The following FSTL4 variants were observed in gnomAD, a reference collection of about 807,000 sequenced individuals.
FSTL4 encodes the protein follistatin-related protein 4.
In FSTL4, 28 loss-of-function variants were observed where a neutral mutation model predicts 78.2. The observed-to-expected ratio is 0.36, with a 90% CI of 0.27 to 0.49. FSTL4 has a LOEUF of 0.49. Ranked by LOEUF, FSTL4 falls within the 20% of genes least tolerant of loss-of-function variation. The probability of loss-of-function intolerance (pLI) is 0.98; values close to 1 mark genes in which losing one functional copy is unlikely to be tolerated. For synonymous variants in FSTL4, 422 were observed against 440.5 expected (o/e 0.96, Z 0.53); for missense variants, 922 against 1,084.9 (o/e 0.85, Z 2.11).
intron 3 of FSTL4, among the ~76,000 whole-genome samples, chr5:133,472,915 C>T (rs1757852824): frequency 6.6e-6 from 1 of 152,240 alleles, no homozygotes; most frequent in South Asian, 2.1e-4. Flanking sequence ...CCTGTACTCC[C>T]AGTCCCACTG....
At chr5:133,548,106 A>G (rs753344585) in intron 3 of FSTL4, among the ~76,000 whole-genome samples, 5 of 152,132 alleles carry the variant, frequency 3.3e-5, no homozygotes, top group Non-Finnish European at 7.4e-5. Context: ...TGCTCTATGT[A>G]TTTCTTCATT....
At chr5:133,386,900 T>TC (rs1429317615) in intron 4 of FSTL4, among the ~76,000 whole-genome samples, 1 of 152,172 alleles carries the variant, frequency 6.6e-6, no homozygotes, top group African/African-American at 2.4e-5. Flanking sequence ...CCACTGAAGT[T>TC]CAAAGACAAG....
chr5:133,717,806 T>C, the FSTL4 span, among the ~76,000 whole-genome samples: 2 of 152,268 alleles, frequency 1.3e-5, no homozygotes, highest in Admixed American at 6.5e-5. Context: ...TACACCATAC[T>C]GTCTATTCAT....
intron 4 of FSTL4, among the ~76,000 whole-genome samples, chr5:133,321,300 T>C (rs1384219532): frequency 3.3e-5 from 5 of 152,182 alleles, no homozygotes; most frequent in African/African-American, 1.2e-4. Context: ...AAACATCACC[T>C]GATGTAAGCT....
chr5:133,199,836 G>A lies in FSTL4; in HGVS notation c.1827-39C>T. ...AACTGAGGTCAGAAGTTGCCTCCAG[G>A]GGTGGGGAATCTGTCATTTGTCTTA... On this transcript the variant is annotated intron_variant, in intron 15 of 15. Transcript: ENST00000265342. This position sits in a 1 kb window ranked among gnomAD's most constrained non-coding sequence, Gnocchi z 4.4. 1.8e-6 allele frequency: 2 copies of A among 1,111,100 alleles called. No individual in the cohort carries two copies. Among genetic ancestry groups the A allele is most frequent in the Non-Finnish European group, 2.6e-6 (2 of 766,870 alleles). The allele number at this position is 1,111,100 out of a possible 1,614,324, so 68.8% of individuals were successfully genotyped here. A position where few individuals can be genotyped will look rare whatever the true frequency, so the allele number is the denominator to read the frequency against.
chr5:133,628,112 CA>C, the FSTL4 span, among the ~76,000 whole-genome samples: 1 of 152,082 alleles, frequency 6.6e-6, no homozygotes, highest in Admixed American at 6.5e-5. Flanking sequence ...ACAACTAAAG[CA>C]GTGTTTAGAG....
chr5:133,751,943 G>A, the FSTL4 span, among the ~76,000 whole-genome samples: 1 of 152,160 alleles, frequency 6.6e-6, no homozygotes, highest in African/African-American at 2.4e-5. Context: ...CTCACTGGCA[G>A]GTCAGCAACA....
chr5:133,300,413 T>C (rs1753508071), intron 6 of FSTL4, among the ~76,000 whole-genome samples: 1 of 152,204 alleles, frequency 6.6e-6, no homozygotes, highest in Non-Finnish European at 1.5e-5. Context: ...ACCCTGTTTG[T>C]TCTGTCTGAG....
chr5:133,264,088 G>C lies in FSTL4; in HGVS notation c.728-14512C>G, dbSNP rs533308387. On this transcript the variant is annotated intron_variant, in intron 6 of 15. Coordinates refer to ENST00000265342, the MANE Select transcript of FSTL4 (RefSeq NM_015082.2). ...TTTTTGGTTGTCACAACTTGGGGAG[G>C]GGGTGGTTTCTTACTGGCATCTGGT... Among the ~76,000 whole-genome samples, 248 of 152,220 alleles carry C rather than the reference G, an allele frequency of 1.6e-3. 2 individuals are homozygous for C. The highest frequency in any genetic ancestry group is 5.5e-3 in the African/African-American group (229 of 41,520).
chr5:133,603,908 G>A lies in FSTL4; in HGVS notation c.76C>T (p.Pro26Ser). ...ACATCCGGGCCTCTGCTGGTTCCTG[G>A]GTCCATCCATCCCAGCGCAGCCGGC... ...SLPAALGWMDPGTSRGPDVGV... is the reference protein window; with the variant it reads ...SLPAALGWMDSGTSRGPDVGV... Residue 26 changes from proline to serine, a missense_variant, in exon 2 of 16, where the codon CCA becomes TCA. Physicochemically the swap from Pro to Ser is moderately conservative, Grantham distance 74. Coordinates refer to ENST00000265342, the MANE Select transcript of FSTL4 (RefSeq NM_015082.2). 1 of 1,613,996 alleles carries A rather than the reference G, an allele frequency of 6.2e-7. No homozygotes were observed. Among genetic ancestry groups the A allele is most frequent in the Non-Finnish European group, 8.5e-7 (1 of 1,179,864 alleles).
At chr5:133,835,591 T>C in the FSTL4 span, among the ~76,000 whole-genome samples, 1 of 152,208 alleles carries the variant, frequency 6.6e-6, no homozygotes, top group South Asian at 2.1e-4. Context: ...TCTCTACTTA[T>C]ATATACTACA....
At chr5:133,530,973 T>C (rs753874689) in intron 3 of FSTL4, among the ~76,000 whole-genome samples, 8 of 152,160 alleles carry the variant, frequency 5.3e-5, no homozygotes, top group Non-Finnish European at 7.4e-5. Context: ...TGGACCACAG[T>C]AGGCTGTGCC....
chr5:133,348,787 A>G (rs948611025), intron 4 of FSTL4, among the ~76,000 whole-genome samples: 3 of 152,204 alleles, frequency 2.0e-5, no homozygotes, highest in African/African-American at 7.2e-5. Context: ...GGGGATACTA[A>G]TAGAACTTGC....
intron 3 of FSTL4, among the ~76,000 whole-genome samples, chr5:133,431,173 G>T (rs11740470): frequency 3.9e-5 from 6 of 151,944 alleles, no homozygotes; most frequent in Non-Finnish European, 7.4e-5. Context: ...CTGAACCCAG[G>T]TGTGGCCTTC....
intron 3 of FSTL4, among the ~76,000 whole-genome samples, chr5:133,505,639 C>A (rs1038302918): frequency 1.3e-5 from 2 of 152,216 alleles, no homozygotes; most frequent in African/African-American, 2.4e-5. Context: ...GGAATAAATT[C>A]TCTGTCTTAT....
intron 4 of FSTL4, among the ~76,000 whole-genome samples, chr5:133,332,020 T>C (rs1754361122): frequency 6.6e-6 from 1 of 152,156 alleles, no homozygotes; most frequent in Admixed American, 6.5e-5. Flanking sequence ...ATGCGCAGGC[T>C]GTGGTCTCAG....
chr5:133,369,841 C>A (rs1293306689), intron 4 of FSTL4, among the ~76,000 whole-genome samples: 3 of 152,218 alleles, frequency 2.0e-5, no homozygotes, highest in African/African-American at 7.2e-5. Context: ...AGGCACCCCA[C>A]TCCAGATAGT....
At chr5:133,757,105 TCCTGCACAAATGGTCTAA>T in the FSTL4 span, among the ~76,000 whole-genome samples, 1 of 152,240 alleles carries the variant, frequency 6.6e-6, no homozygotes, top group East Asian at 1.9e-4. Flanking sequence ...TTTAGCAAAA[TCCTGCACAAATGGTCTAA>T]CCTGCACAAA....
intron 6 of FSTL4, among the ~76,000 whole-genome samples, chr5:133,263,681 T>TAA (rs1252304278): frequency 1.3e-5 from 2 of 152,104 alleles, no homozygotes; most frequent in Non-Finnish European, 2.9e-5. Flanking sequence ...TTTGTCATGA[T>TAA]AGAGAGCAGA....
Sources: gnomAD v4.1 joint callset for allele counts (sites outside exome capture counted in the v4.1 genomes callset) on GRCh38, gnomAD v4.1.1 for gene constraint, Gnocchi (gnomAD v3.1) non-coding constraint, MANE v1.5 for transcripts, NCBI Gene and HGNC (gene_info 2026-07-23, HGNC 2026-07-21) for gene names.